CREG2: variants seen among roughly 807,000 people sequenced by gnomAD.
CREG2 encodes cellular repressor of E1A stimulated genes 2.
A neutral mutation model predicts 26.2 loss-of-function variants in CREG2; 24 were observed. That is an observed-to-expected ratio of 0.92 (90% CI 0.66 to 1.29). The LOEUF is 1.29. Among genes scored for constraint, CREG2 ranks in the 50% most tolerant of loss-of-function variants. The pLI is 0.00. For missense variants in CREG2, 366 were observed against 398.6 expected (o/e 0.92, Z 0.70); for synonymous variants, 174 against 169.2 (o/e 1.03, Z -0.22).
rs1330541083 is a variant in CREG2, at chr2:101,346,974, C to T, written c.*3949G>A. ...TGTGCTATCCTTTTATAGTTATGCC[C>T]AACTCTCTTGTTCTCCCCACTCCTC... On this transcript the variant is annotated 3_prime_UTR_variant, in exon 4 of 4. Coordinates refer to ENST00000324768, the MANE Select transcript of CREG2 (RefSeq NM_153836.4). 13 of 152,134 alleles carry T rather than the reference C, an allele frequency of 8.5e-5. No homozygotes were observed. Among genetic ancestry groups the T allele is most frequent in the Non-Finnish European group, 1.0e-4 (7 of 68,020 alleles). 9.4% of individuals were successfully genotyped at this position (152,134 alleles called of 1,614,324 possible).
intron 3 of CREG2, among the ~76,000 whole-genome samples, chr2:101,351,573 C>T (rs147197086): frequency 2.0e-4 from 30 of 152,210 alleles, no homozygotes; most frequent in African/African-American, 4.3e-4. Context: ...GAAACCAGTT[C>T]GTTCATGGGA....
chr2:101,356,407 G>A (rs1684460129), intron 2 of CREG2, among the ~76,000 whole-genome samples: 1 of 152,238 alleles, frequency 6.6e-6, no homozygotes, highest in Admixed American at 6.5e-5. Flanking sequence ...TCAAAATGGG[G>A]AGTTATTATT....
At chr2:101,386,448 A>T (rs1684967828) in intron 1 of CREG2, among the ~76,000 whole-genome samples, 1 of 152,236 alleles carries the variant, frequency 6.6e-6, no homozygotes, top group South Asian at 2.1e-4. Context: ...TGAACAATTA[A>T]AAGTGCAGCG....
Position 101,346,014 on chromosome 2 carries a change from T to C in CREG2, c.*4909A>G, listed in dbSNP as rs969581625. The C allele has an allele frequency of 1.3e-5, 2 of 151,306 alleles. No homozygotes were observed. The highest frequency in any genetic ancestry group is 6.6e-5 in the Admixed American group (1 of 15,196). 9.4% of individuals were successfully genotyped at this position (151,306 alleles called of 1,614,324 possible). ...TTTTTTTTTTTTTTTTTAATAAATA[T>C]TTTTTGTAGAGATGAGGTCTCACTA... On this transcript the variant is annotated 3_prime_UTR_variant, in exon 4 of 4. Coordinates refer to ENST00000324768, the MANE Select transcript of CREG2 (RefSeq NM_153836.4).
rs1045794285 is a variant in CREG2, at chr2:101,348,218, A to G, written c.*2705T>C. 1.3e-5 allele frequency: 2 copies of G among 152,224 alleles called. No individual in the cohort carries two copies. The highest frequency in any genetic ancestry group is 1.9e-4 in the East Asian group (1 of 5,200). 9.4% of individuals were successfully genotyped at this position (152,224 alleles called of 1,614,324 possible). On this transcript the variant is annotated 3_prime_UTR_variant, in exon 4 of 4. Coordinates refer to ENST00000324768, the MANE Select transcript of CREG2 (RefSeq NM_153836.4). ...AATACTGTAGCTACATCATAACTCT[A>G]TATTAAATAGAATGATTTCTCCTAC... is the stretch of plus-strand genomic sequence containing the variant.
intron 2 of CREG2, among the ~76,000 whole-genome samples, chr2:101,358,458 A>C (rs1343498293): frequency 6.6e-6 from 1 of 152,240 alleles, no homozygotes; most frequent in Non-Finnish European, 1.5e-5. Context: ...GGGGTAAAAA[A>C]ATACTACCAC....
intron 1 of CREG2, among the ~76,000 whole-genome samples, chr2:101,384,582 TA>T (rs1684934893): frequency 6.6e-6 from 1 of 152,124 alleles, no homozygotes; most frequent in Non-Finnish European, 1.5e-5. Context: ...AGAGAAGGTT[TA>T]AAAAAGCCTG....
chr2:101,381,524 C>T lies in CREG2; in HGVS notation c.611+2009G>A, dbSNP rs1294256952. 3.3e-5 allele frequency among the ~76,000 whole-genome samples: 5 copies of T among 152,332 alleles called. No homozygotes were observed. The East Asian group carries it at 7.7e-4, about 24-fold the overall frequency. On this transcript the variant is annotated intron_variant, in intron 2 of 3. Coordinates refer to ENST00000324768, the MANE Select transcript of CREG2 (RefSeq NM_153836.4). Reference sequence around the variant, plus strand: ...GACAAAAGCCCCATTGCTTGGTAAGCTTTGCATTGAAGTGTGATGCTTACT... The same window carrying T: ...GACAAAAGCCCCATTGCTTGGTAAGTTTTGCATTGAAGTGTGATGCTTACT...
At chr2:101,357,046 G>A (rs961916409) in intron 2 of CREG2, among the ~76,000 whole-genome samples, 2 of 152,038 alleles carry the variant, frequency 1.3e-5, no homozygotes, top group Non-Finnish European at 2.9e-5. Context: ...TGCACCACAC[G>A]CCCGGCTAAT....
intron 2 of CREG2, among the ~76,000 whole-genome samples, chr2:101,366,893 A>T (rs1279501149): frequency 6.6e-6 from 1 of 152,124 alleles, no homozygotes; most frequent in African/African-American, 2.4e-5. Context: ...AGAGCACTTA[A>T]ATTGTACTAG....
intron 2 of CREG2, among the ~76,000 whole-genome samples, chr2:101,373,967 A>G (rs971605004): frequency 2.0e-5 from 3 of 152,174 alleles, no homozygotes; most frequent in African/African-American, 4.8e-5. Context: ...CCTGGGCTCA[A>G]TGGAGCCTCC....
At chr2:101,369,498 T>A (rs1684670417) in intron 2 of CREG2, among the ~76,000 whole-genome samples, 1 of 151,748 alleles carries the variant, frequency 6.6e-6, no homozygotes, top group Non-Finnish European at 1.5e-5. Flanking sequence ...CATTTGGGAG[T>A]CACTGGCACA....
At chr2:101,354,178 T>C (rs895891032) in intron 3 of CREG2, among the ~76,000 whole-genome samples, 2 of 152,028 alleles carry the variant, frequency 1.3e-5, no homozygotes, top group African/African-American at 4.8e-5. Flanking sequence ...CTAGGGAAGA[T>C]TTTGGCCTCT....
intron 2 of CREG2, among the ~76,000 whole-genome samples, chr2:101,376,249 G>A (rs994059906): frequency 6.7e-5 from 10 of 150,184 alleles, no homozygotes; most frequent in Non-Finnish European, 8.9e-5. Flanking sequence ...TCTTAATCAC[G>A]TGGTTATTTT....
chr2:101,387,007 G>T lies in CREG2; in HGVS notation c.441+10C>A, dbSNP rs756419525. The T allele has an allele frequency of 8.1e-7, 1 of 1,232,668 alleles. No individual in the cohort carries two copies. The highest frequency in any genetic ancestry group is 1.0e-6 in the Non-Finnish European group (1 of 988,968). The allele number at this position is 1,232,668 out of a possible 1,614,324, so 76.4% of individuals were successfully genotyped here. A position where few individuals can be genotyped will look rare whatever the true frequency, so the allele number is the denominator to read the frequency against. ...GCCAGGCCCCCTCGCGCTCCCCGCC[G>T]GGCGCTCACCTTCTTGTGGGTGGAC... is the stretch of plus-strand genomic sequence containing the variant. On this transcript the variant is annotated intron_variant, in intron 1 of 3. Transcript: ENST00000324768. This position sits in a 1 kb window ranked among gnomAD's most constrained non-coding sequence, Gnocchi z 4.7.
At chr2:101,374,835 G>A (rs572497230) in intron 2 of CREG2, among the ~76,000 whole-genome samples, 1 of 152,332 alleles carries the variant, frequency 6.6e-6, no homozygotes, top group South Asian at 2.1e-4. Flanking sequence ...AAAGATGGAG[G>A]CTGGGGGAGG....
intron 2 of CREG2, among the ~76,000 whole-genome samples, chr2:101,363,562 G>T (rs1312608195): frequency 6.6e-6 from 1 of 152,150 alleles, no homozygotes; most frequent in Non-Finnish European, 1.5e-5. Context: ...TTTGTGTTCA[G>T]TGGTAAAGAA....
chr2:101,365,114 A>G (rs1684600813), intron 2 of CREG2, among the ~76,000 whole-genome samples: 1 of 152,220 alleles, frequency 6.6e-6, no homozygotes, highest in African/African-American at 2.4e-5. Flanking sequence ...GCTGAAGGCA[A>G]GAACAAGAGG....
rs115504064 is a variant in CREG2 at position 101,350,785 on chromosome 2, C to T, written c.*138G>A. 8.0e-4 allele frequency: 667 copies of T among 832,326 alleles called. 2 individuals are homozygous for T. In the African/African-American group the frequency reaches 0.01, roughly 13 times the overall value. 51.6% of individuals were successfully genotyped at this position (832,326 alleles called of 1,614,324 possible). A position where few individuals can be genotyped will look rare whatever the true frequency, so the allele number is the denominator to read the frequency against. On this transcript the variant is annotated 3_prime_UTR_variant, in exon 4 of 4. Coordinates refer to ENST00000324768, the MANE Select transcript of CREG2 (RefSeq NM_153836.4). Reference sequence around the variant, plus strand: ...ATCTAGCATAGAGTTCCCTGTTCACCCTCTCTCATTCTGCTGCAGGGATGG... The same window carrying T: ...ATCTAGCATAGAGTTCCCTGTTCACTCTCTCTCATTCTGCTGCAGGGATGG...
Sources: allele counts gnomAD v4.1 joint callset (sites outside exome capture counted in the v4.1 genomes callset), GRCh38; gene constraint gnomAD v4.1.1; non-coding constraint Gnocchi (gnomAD v3.1); transcripts MANE v1.5; gene names NCBI Gene and HGNC (gene_info 2026-07-23, HGNC 2026-07-21).